NDUFAF6: variants seen among roughly 807,000 people sequenced by gnomAD.
NDUFAF6 encodes the protein NADH:ubiquinone oxidoreductase complex assembly factor 6.
Under a neutral mutation model 40.8 loss-of-function variants are expected in NDUFAF6, and 45 were observed. That is an observed-to-expected ratio of 1.10 (90% CI 0.87 to 1.42). The LOEUF (loss-of-function observed/expected upper bound fraction) is 1.42. NDUFAF6 is among the 40% of genes most tolerant of loss of function. NDUFAF6 has a pLI of 0.00. For synonymous variants in NDUFAF6, 185 were observed against 155.9 expected, an observed-to-expected ratio of 1.19 and a Z score of -1.39; for missense variants, 435 against 418.5, an observed-to-expected ratio of 1.04 and a Z score of -0.34.
At chr8:94,913,522 C>T (rs1262777100) in intron 1 of NDUFAF6, among the ~76,000 whole-genome samples, 1 of 152,096 alleles carries the variant, frequency 6.6e-6, no homozygotes, top group African/African-American at 2.4e-5. Flanking sequence ...CTGGGCCAGG[C>T]GCAGTGGCTC....
chr8:95,094,751 CTTT>C (rs1468304699), intron 2 of NDUFAF6, among the ~76,000 whole-genome samples: 2 of 19,454 alleles, frequency 1.0e-4, no homozygotes, highest in East Asian at 8.1e-3. Context: ...TCTTCTTCTT[CTTT>C]TTTTTTTTTT....
intron 8 of NDUFAF6, 115 bp from the exon 9 acceptor site, chr8:95,057,694 C>T: frequency 1.3e-6 from 1 of 795,018 alleles, no homozygotes; most frequent in East Asian, 2.7e-5. Flanking sequence ...AATAGAAAAC[C>T]ATCTCAGGGA....
At chr8:94,947,824 T>C (rs775197781) in intron 2 of NDUFAF6, among the ~76,000 whole-genome samples, 8 of 152,246 alleles carry the variant, frequency 5.3e-5, no homozygotes, top group Non-Finnish European at 1.2e-4. Context: ...AAGACCTTGG[T>C]CACAGAAATT....
intron 1 of NDUFAF6, among the ~76,000 whole-genome samples, chr8:94,906,589 T>C (rs1818406467): frequency 6.6e-6 from 1 of 152,198 alleles, no homozygotes; most frequent in Admixed American, 6.5e-5. Flanking sequence ...GCCTGCCTCT[T>C]GCCTCTAGGG....
chr8:95,091,944 CTG>C (rs10547071), intron 2 of NDUFAF6, among the ~76,000 whole-genome samples: 105,311 of 150,132 alleles, frequency 0.7, 37,719 homozygotes, highest in East Asian at 0.89. Context: ...AAGCCCAACT[CTG>C]TTTACCTCCA....
chr8:95,038,826 T>C lies in NDUFAF6; in HGVS notation c.421-2744T>C, dbSNP rs184409983. ...CGGAGTAGCTGGGACTACAGGTGTG[T>C]GCCACAATGCCCAACTAATTTTTGT... is the stretch of plus-strand genomic sequence containing the variant. On this transcript the variant is annotated intron_variant, in intron 3 of 8. Coordinates refer to ENST00000396124, the MANE Select transcript of NDUFAF6 (RefSeq NM_152416.4). Among the ~76,000 whole-genome samples the C allele has an allele frequency of 3.0e-4, 46 of 151,854 alleles. No individual in the cohort carries two copies. In the East Asian group the frequency reaches 8.4e-3, roughly 28 times the overall value.
At chr8:94,935,574 G>T (rs1208298761) in intron 1 of NDUFAF6, among the ~76,000 whole-genome samples, 3 of 152,204 alleles carry the variant, frequency 2.0e-5, no homozygotes, top group African/African-American at 7.2e-5. Context: ...AATGGGCAAG[G>T]ATCTATTTCT....
chr8:95,099,721 TACTC>T (rs1401380191), upstream of NDUFAF6, among the ~76,000 whole-genome samples: 2 of 152,216 alleles, frequency 1.3e-5, no homozygotes. Flanking sequence ...TTTTTCTTTC[TACTC>T]ACTCCCAGTT....
At chr8:94,962,094 G>C (rs1470938454) in intron 1 of NDUFAF6, among the ~76,000 whole-genome samples, 3 of 152,216 alleles carry the variant, frequency 2.0e-5, no homozygotes, top group Admixed American at 1.3e-4. Flanking sequence ...GATGTCAGCA[G>C]AAGTCTTCTA....
chr8:95,046,379 C>T (rs1173881626), intron 5 of NDUFAF6, among the ~76,000 whole-genome samples: 1 of 152,160 alleles, frequency 6.6e-6, no homozygotes, highest in Admixed American at 6.5e-5. Context: ...TGAGATTTTT[C>T]TTTCTCTGCT....
chr8:95,090,881 G>C (rs1262045223), intron 2 of NDUFAF6, among the ~76,000 whole-genome samples: 1 of 152,126 alleles, frequency 6.6e-6, no homozygotes, highest in Non-Finnish European at 1.5e-5. Context: ...CGTGCTGAAT[G>C]CTTCCTGACC....
intron 1 of NDUFAF6, chr8:94,980,754 A>G (rs539448464): frequency 6.5e-6 from 2 of 307,180 alleles, no homozygotes; most frequent in South Asian, 5.5e-5. Context: ...TTGGCCTGTC[A>G]ACTGTACTTT....
intron 4 of NDUFAF6, among the ~76,000 whole-genome samples, chr8:95,112,595 C>T (rs563875389): frequency 6.6e-6 from 1 of 151,440 alleles, no homozygotes; most frequent in African/African-American, 2.4e-5. Context: ...GTTCTGGCAG[C>T]CACAGGAAAC....
chr8:94,919,630 G>A (rs1383762229), intron 1 of NDUFAF6, among the ~76,000 whole-genome samples: 3 of 152,152 alleles, frequency 2.0e-5, no homozygotes, highest in Non-Finnish European at 2.9e-5. Flanking sequence ...CAGAGAGGAT[G>A]CTCCAAGCCC....
upstream of NDUFAF6, among the ~76,000 whole-genome samples, chr8:95,099,348 A>AG (rs945237888): frequency 6.0e-5 from 9 of 149,318 alleles, no homozygotes; most frequent in African/African-American, 2.0e-4. Flanking sequence ...GAAAAAAAAA[A>AG]AAGAAAAGAA....
At chr8:95,073,024 C>T (rs1832918415) in intron 9 of NDUFAF6, 1 of 153,282 alleles carries the variant, frequency 6.5e-6, no homozygotes, top group African/African-American at 2.4e-5. Flanking sequence ...GGAGAAGCGT[C>T]AGCCCTCTGC....
chr8:95,010,726 C>G (rs1827192179), intron 2 of NDUFAF6, among the ~76,000 whole-genome samples: 1 of 151,926 alleles, frequency 6.6e-6, no homozygotes, highest in Non-Finnish European at 1.5e-5. Flanking sequence ...CTTTCAGACT[C>G]TTTAAAAAAA....
upstream of NDUFAF6, among the ~76,000 whole-genome samples, chr8:95,022,442 A>C (rs77870321): frequency 0.011 from 1,662 of 151,932 alleles, 30 homozygotes; most frequent in African/African-American, 0.038. Flanking sequence ...CTATAGACAC[A>C]AAGTATATGC....
upstream of NDUFAF6, among the ~76,000 whole-genome samples, chr8:94,953,900 C>A (rs529872626): frequency 2.3e-4 from 35 of 152,254 alleles, no homozygotes; most frequent in African/African-American, 8.2e-4. Flanking sequence ...CCATGTTTCT[C>A]ATGGCTTTGG....
Sources: allele counts gnomAD v4.1 joint callset (sites outside exome capture counted in the v4.1 genomes callset), GRCh38; gene constraint gnomAD v4.1.1; transcripts MANE v1.5; gene names NCBI Gene and HGNC (gene_info 2026-07-23, HGNC 2026-07-21).